The following GPC6 variants were observed in gnomAD, a reference collection of about 807,000 sequenced individuals.
The protein encoded by GPC6 is glypican-6.
Under a neutral mutation model 55.2 loss-of-function variants are expected in GPC6, and 14 were observed. The observed-to-expected ratio is 0.25, with a 90% CI of 0.17 to 0.40. The LOEUF (loss-of-function observed/expected upper bound fraction) is 0.40. Among genes scored for constraint, GPC6 ranks in the 10% least tolerant of loss-of-function variants. The pLI is 1.00. For synonymous variants in GPC6, 278 were observed against 259.6 expected, an observed-to-expected ratio of 1.07 and a Z score of -0.68; for missense variants, 641 against 708.5, an observed-to-expected ratio of 0.90 and a Z score of 1.08.
chr13:93,835,869 T>C (rs1030326207), intron 3 of GPC6, among the ~76,000 whole-genome samples: 10 of 152,232 alleles, frequency 6.6e-5, no homozygotes, highest in Admixed American at 3.3e-4. Flanking sequence ...CATTGATTTA[T>C]TACAGACAAA....
intron 2 of GPC6, among the ~76,000 whole-genome samples, chr13:93,730,083 C>T (rs1244870454): frequency 6.6e-6 from 1 of 152,184 alleles, no homozygotes; most frequent in East Asian, 1.9e-4. Flanking sequence ...CTCATTTACC[C>T]GTATACTGAT....
chr13:93,528,841 T>C (rs1881754087), intron 1 of GPC6, among the ~76,000 whole-genome samples: 1 of 152,200 alleles, frequency 6.6e-6, no homozygotes. Context: ...GGTTGAGATG[T>C]AGATATACTT....
At chr13:93,997,471 C>T (rs1349250276) in intron 3 of GPC6, among the ~76,000 whole-genome samples, 2 of 152,098 alleles carry the variant, frequency 1.3e-5, no homozygotes, top group East Asian at 1.9e-4. Flanking sequence ...CTCTGCTCTT[C>T]GTGTCCAGAG....
chr13:93,556,095 A>G (rs1031239239), intron 2 of GPC6, among the ~76,000 whole-genome samples: 3 of 151,996 alleles, frequency 2.0e-5, no homozygotes, highest in Non-Finnish European at 4.4e-5. Flanking sequence ...TTTCTTTTCA[A>G]TTTTGACAGT....
rs116582413 is a variant in GPC6 at position 93,936,074 on chromosome 13, A to G, written c.712-91655A>G. On this transcript the variant is annotated intron_variant, in intron 3 of 8. Transcript: ENST00000377047. ...TAAAATACCTAATGTAATATACATG[A>G]TATCACTCACCACTATACATAAGAA... Among the ~76,000 whole-genome samples the G allele has an allele frequency of 1.9e-3, 282 of 152,356 alleles. 1 individual carries two copies. The highest frequency in any genetic ancestry group is 6.5e-3 in the African/African-American group (270 of 41,580).
intron 3 of GPC6, among the ~76,000 whole-genome samples, chr13:93,989,936 A>G (rs527459898): frequency 1.3e-5 from 2 of 148,744 alleles, no homozygotes; most frequent in East Asian, 3.9e-4. Flanking sequence ...ATATATGTAT[A>G]TATATATATT....
At chr13:93,858,045 A>G (rs558430303) in intron 3 of GPC6, among the ~76,000 whole-genome samples, 1 of 151,620 alleles carries the variant, frequency 6.6e-6, no homozygotes, top group East Asian at 2.0e-4. Flanking sequence ...CCTATAACAA[A>G]AAATCTACAA....
chr13:93,473,293 C>T, intron 1 of GPC6, among the ~76,000 whole-genome samples: 1 of 152,148 alleles, frequency 6.6e-6, no homozygotes, highest in East Asian at 1.9e-4. Context: ...TACTTGTTTC[C>T]CCCACCCACT....
intron 1 of GPC6, among the ~76,000 whole-genome samples, chr13:93,334,016 C>T (rs1566304213): frequency 1.3e-5 from 2 of 152,194 alleles, no homozygotes; most frequent in African/African-American, 4.8e-5. Context: ...AAATTCTTCC[C>T]TGTCATAAGT....
At chr13:93,925,372 C>T (rs1174298800) in intron 3 of GPC6, among the ~76,000 whole-genome samples, 1 of 152,078 alleles carries the variant, frequency 6.6e-6, no homozygotes, top group Non-Finnish European at 1.5e-5. Flanking sequence ...TCTGCAACTA[C>T]ATATTCTTTT....
At chr13:94,122,376 G>C (rs1314964558) in intron 4 of GPC6, among the ~76,000 whole-genome samples, 1 of 152,016 alleles carries the variant, frequency 6.6e-6, no homozygotes, top group East Asian at 1.9e-4. Context: ...GTCTGACTGC[G>C]TTTCAAACTC....
chr13:94,164,134 A>G (rs1233091723), intron 4 of GPC6, among the ~76,000 whole-genome samples: 1 of 152,218 alleles, frequency 6.6e-6, no homozygotes, highest in South Asian at 2.1e-4. Flanking sequence ...ACATACCAAC[A>G]TGTGAACTTG....
intron 1 of GPC6, among the ~76,000 whole-genome samples, chr13:93,517,085 CAAAGAG>C (rs1391034732): frequency 7.2e-5 from 11 of 152,072 alleles, no homozygotes; most frequent in Admixed American, 3.9e-4. Flanking sequence ...CATTCATAGA[CAAAGAG>C]AGAATTACTG....
At chr13:93,905,370 C>A (rs1390393449) in intron 3 of GPC6, among the ~76,000 whole-genome samples, 1 of 152,084 alleles carries the variant, frequency 6.6e-6, no homozygotes, top group Non-Finnish European at 1.5e-5. Flanking sequence ...TATGCCTAAC[C>A]TATATGAGGC....
intron 1 of GPC6, among the ~76,000 whole-genome samples, chr13:93,280,786 C>T (rs769823984): frequency 1.3e-5 from 2 of 152,174 alleles, no homozygotes; most frequent in African/African-American, 2.4e-5. Flanking sequence ...GCCGGGGATG[C>T]GGCTAGTTTC....
chr13:93,348,123 A>C (rs1880492074), intron 1 of GPC6, among the ~76,000 whole-genome samples: 1 of 152,170 alleles, frequency 6.6e-6, no homozygotes, highest in Non-Finnish European at 1.5e-5. Flanking sequence ...TGAAGGATAC[A>C]AAAAAGGACC....
chr13:93,893,687 T>A (rs1012007456), intron 3 of GPC6, among the ~76,000 whole-genome samples: 2 of 152,154 alleles, frequency 1.3e-5, no homozygotes, highest in African/African-American at 4.8e-5. Context: ...CAGTTTCAGG[T>A]GGAAAAAGGA....
At chr13:93,267,405 A>G (rs1250457248) in intron 1 of GPC6, among the ~76,000 whole-genome samples, 1 of 143,346 alleles carries the variant, frequency 7.0e-6, no homozygotes, top group African/African-American at 2.6e-5. Context: ...TTTTTTTTTT[A>G]ATTTACTATA....
chr13:93,522,057 A>G (rs1460263139), intron 1 of GPC6, among the ~76,000 whole-genome samples: 1 of 151,960 alleles, frequency 6.6e-6, no homozygotes, highest in Non-Finnish European at 1.5e-5. Context: ...TTTATATTTT[A>G]GATAAAAGTG....
Sources: gnomAD v4.1 joint callset for allele counts (sites outside exome capture counted in the v4.1 genomes callset) on GRCh38, gnomAD v4.1.1 for gene constraint, MANE v1.5 for transcripts, NCBI Gene and HGNC (gene_info 2026-07-23, HGNC 2026-07-21) for gene names.